Variants in INSR observed in about 807,000 individuals in gnomAD.
INSR encodes the protein IR.
INSR carries 67 observed loss-of-function variants against 142.6 expected under a neutral mutation model. The observed-to-expected ratio is 0.47, with a 90% CI of 0.39 to 0.58. The LOEUF is 0.58. Ranked by LOEUF, INSR falls within the 20% of genes least tolerant of loss-of-function variation. The pLI, the probability that INSR is intolerant of heterozygous loss-of-function variation, is 0.00. For missense variants in INSR, 1,248 were observed against 1,833.2 expected, an observed-to-expected ratio of 0.68 and a Z score of 5.83; for synonymous variants, 756 against 743.1, an observed-to-expected ratio of 1.02 and a Z score of -0.28.
chr19:7,242,279 G>A (rs1335197431), intron 2 of INSR, among the ~76,000 whole-genome samples: 1 of 152,080 alleles, frequency 6.6e-6, no homozygotes, highest in Non-Finnish European at 1.5e-5. Flanking sequence ...TGAAGCTTGA[G>A]GATCCCTTTA....
intron 11 of INSR, among the ~76,000 whole-genome samples, chr19:7,149,608 G>A (rs1357312576): frequency 1.3e-5 from 2 of 152,106 alleles, no homozygotes; most frequent in Non-Finnish European, 2.9e-5. Context: ...GATCGCCTGA[G>A]GTCGGGAGAT....
At chr19:7,218,544 T>A (rs1396220739) in intron 2 of INSR, among the ~76,000 whole-genome samples, 2 of 152,062 alleles carry the variant, frequency 1.3e-5, no homozygotes, top group Non-Finnish European at 2.9e-5. Flanking sequence ...TGTTTGTTTG[T>A]TTCTTTGTTT....
intron 3 of INSR, among the ~76,000 whole-genome samples, chr19:7,176,918 C>T (rs1974147577): frequency 6.6e-6 from 1 of 152,192 alleles, no homozygotes; most frequent in South Asian, 2.1e-4. Flanking sequence ...CCCAACGTGG[C>T]AGAATTCAAC....
chr19:7,278,206 A>G (rs541272869), intron 1 of INSR, among the ~76,000 whole-genome samples: 117 of 152,342 alleles, frequency 7.7e-4, no homozygotes, highest in African/African-American at 2.6e-3. Context: ...GGATGAAGGA[A>G]GAAAACAAGT....
At chr19:7,179,612 C>T (rs748837016) in intron 3 of INSR, among the ~76,000 whole-genome samples, 10 of 152,310 alleles carry the variant, frequency 6.6e-5, no homozygotes, top group Middle Eastern at 3.4e-3. Context: ...AAATAATATC[C>T]TATTGGAATA....
intron 9 of INSR, 48 bp from the exon 10 acceptor site, chr19:7,152,975 A>T (rs1440441807): frequency 2.6e-6 from 3 of 1,173,100 alleles, no homozygotes; most frequent in Non-Finnish European, 3.7e-6. Context: ...GCGGCTGAAC[A>T]CACATACACA....
intron 1 of INSR, among the ~76,000 whole-genome samples, chr19:7,277,008 G>C (rs1415064815): frequency 6.6e-6 from 1 of 152,138 alleles, no homozygotes; most frequent in African/African-American, 2.4e-5. Flanking sequence ...TGGGATTACA[G>C]GTGTGAGCCA....
intron 3 of INSR, among the ~76,000 whole-genome samples, chr19:7,181,451 C>T (rs762014523): frequency 5.9e-5 from 9 of 152,194 alleles, no homozygotes; most frequent in Non-Finnish European, 1.0e-4. Flanking sequence ...ATACCCCATA[C>T]GCATTGAAAA....
At chr19:7,153,348 AGACCACACACCACACACCC>A (rs1568449945) in intron 9 of INSR, among the ~76,000 whole-genome samples, 11 of 5,824 alleles carry the variant, frequency 1.9e-3, no homozygotes, top group African/African-American at 4.8e-3. Flanking sequence ...CACACACCAC[AGACCACACACCACACACCC>A]CACACACACC....
chr19:7,135,304 CT>C (rs34080394), intron 13 of INSR, among the ~76,000 whole-genome samples: 2,184 of 59,954 alleles, frequency 0.036, 9 homozygotes, highest in African/African-American at 0.068. Flanking sequence ...AATGCATCTT[CT>C]TTTTTTTTTT....
rs1163158804 is a variant in INSR at position 7,114,648 on chromosome 19, C to A, written c.*2408G>T. On this transcript the variant is annotated 3_prime_UTR_variant, in exon 22 of 22. Transcript: ENST00000302850. ...TGTCCATGATTGAATCACATCTTAA[C>A]AATACACTGAGGTAGACTGTGCTGA... is the stretch of plus-strand genomic sequence containing the variant. 6.6e-6 allele frequency: 1 copy of A among 152,602 alleles called. No individual in the cohort carries two copies. The highest frequency in any genetic ancestry group is 2.4e-5 in the African/African-American group (1 of 41,440). The allele number at this position is 152,602 out of a possible 1,614,324, so 9.5% of individuals were successfully genotyped here. A position where few individuals can be genotyped will look rare whatever the true frequency, so the allele number is the denominator to read the frequency against.
chr19:7,223,947 A>C (rs1975697938), intron 2 of INSR, among the ~76,000 whole-genome samples: 1 of 129,192 alleles, frequency 7.7e-6, no homozygotes, highest in Admixed American at 8.1e-5. Context: ...GGAACAAAAA[A>C]AAATTTTTTT....
rs138018119 is a variant in INSR, at chr19:7,121,043, G to A, written c.3530-294C>T. ...TATGGAGCCTCACTCTGTCCTCCAG[G>A]CTGGAGTGCAGTGGTGCAATCTTGG... On this transcript the variant is annotated intron_variant, in intron 19 of 21. Transcript: ENST00000302850. Among the ~76,000 whole-genome samples the A allele has an allele frequency of 3.5e-3, 525 of 152,112 alleles. 5 individuals carry two copies. The highest frequency in any genetic ancestry group is 0.012 in the African/African-American group (499 of 41,494).
Position 7,267,638 on chromosome 19 carries a change from A to G in INSR, c.359T>C (p.Leu120Pro). The change falls in exon 2 of 22, where the codon CTG becomes CCG. Residue 120 changes from leucine to proline, a missense_variant. Coordinates refer to ENST00000302850, the MANE Select transcript of INSR (RefSeq NM_000208.4). The surrounding 1 kb of genome is among the most constrained non-coding windows in gnomAD (Gnocchi z 6.3). ...GAGGTGAACCATCTCGAAGATGACC[A>G]GCGCGTAGTTAAAGAACAGTCGTGA... ...RGSRLFFNYA[L>P]VIFEMVHLKE... 6.2e-7 allele frequency: 1 copy of G among 1,613,822 alleles called. No homozygotes were observed.
chr19:7,171,901 TTTTTCC>T (rs1974023061), intron 5 of INSR, among the ~76,000 whole-genome samples: 1 of 150,704 alleles, frequency 6.6e-6, no homozygotes, highest in Admixed American at 6.6e-5. Context: ...AATCCTTAAG[TTTTTCC>T]TTTTCTTTTC....
intron 2 of INSR, among the ~76,000 whole-genome samples, chr19:7,189,663 AC>A (rs1420277407): frequency 6.9e-6 from 1 of 145,744 alleles, no homozygotes; most frequent in East Asian, 2.0e-4. Flanking sequence ...TTTTACTATT[AC>A]TTTTTTTTTT....
At chr19:7,249,467 G>A (rs1452153232) in intron 2 of INSR, among the ~76,000 whole-genome samples, 1 of 152,130 alleles carries the variant, frequency 6.6e-6, no homozygotes, top group African/African-American at 2.4e-5. Context: ...AGGGAGGCCC[G>A]TCGGCACCGT....
At chr19:7,250,887 T>C (rs1976706708) in intron 2 of INSR, among the ~76,000 whole-genome samples, 1 of 151,558 alleles carries the variant, frequency 6.6e-6, no homozygotes, top group Non-Finnish European at 1.5e-5. Flanking sequence ...AGCAGAACTG[T>C]CCCAGGAACG....
At chr19:7,279,085 G>A (rs1466093292) in intron 1 of INSR, among the ~76,000 whole-genome samples, 1 of 151,964 alleles carries the variant, frequency 6.6e-6, no homozygotes, top group Non-Finnish European at 1.5e-5. Context: ...CTGAGATCAC[G>A]CCACTGCACT....
Sources: gnomAD v4.1 joint callset for allele counts (sites outside exome capture counted in the v4.1 genomes callset) on GRCh38, gnomAD v4.1.1 for gene constraint, Gnocchi (gnomAD v3.1) non-coding constraint, MANE v1.5 for transcripts, NCBI Gene and HGNC (gene_info 2026-07-23, HGNC 2026-07-21) for gene names.